Variants in SLC14A2 observed in about 807,000 individuals in gnomAD.
SLC14A2 encodes solute carrier family 14 member 2.
Under a neutral mutation model 104.6 loss-of-function variants are expected in SLC14A2, and 91 were observed. The ratio of observed to expected loss-of-function variants is 0.87; its 90% CI spans 0.73 to 1.04. The LOEUF is 1.04. Ranked by LOEUF, SLC14A2 falls within the 50% of genes least tolerant of loss-of-function variation. The probability of loss-of-function intolerance (pLI) is 0.00; values close to 1 mark genes in which losing one functional copy is unlikely to be tolerated. For synonymous variants in SLC14A2, 476 were observed against 466.4 expected (o/e 1.02, Z -0.27); for missense variants, 1,189 against 1,156.0 (o/e 1.03, Z -0.41).
At chr18:45,193,113 AT>A in the SLC14A2 span, among the ~76,000 whole-genome samples, 2 of 152,204 alleles carry the variant, frequency 1.3e-5, no homozygotes, top group East Asian at 3.9e-4. Flanking sequence ...TGTTTTGAGA[AT>A]TCTTTATATA....
chr18:45,532,903 A>C (rs2043719262), intron 2 of SLC14A2, among the ~76,000 whole-genome samples: 1 of 152,264 alleles, frequency 6.6e-6, no homozygotes, highest in South Asian at 2.1e-4. Context: ...AGTTTTTAGC[A>C]TGAAGGGTTG....
intron 1 of SLC14A2, among the ~76,000 whole-genome samples, chr18:45,267,864 A>G (rs1318180080): frequency 6.6e-6 from 1 of 152,168 alleles, no homozygotes; most frequent in African/African-American, 2.4e-5. Context: ...ACTAGACTAA[A>G]CAGAATTATA....
intron 1 of SLC14A2, among the ~76,000 whole-genome samples, chr18:45,236,458 T>C (rs535285386): frequency 4.7e-5 from 3 of 63,504 alleles, no homozygotes; most frequent in African/African-American, 8.6e-5. Context: ...TGTGTGTATA[T>C]ATGTGTATAT....
chr18:45,401,708 G>A (rs956121288), intron 1 of SLC14A2, among the ~76,000 whole-genome samples: 3 of 152,194 alleles, frequency 2.0e-5, no homozygotes, highest in African/African-American at 4.8e-5. Flanking sequence ...AAATTTAGTA[G>A]GGATACTTAT....
intron 2 of SLC14A2, among the ~76,000 whole-genome samples, chr18:45,508,158 C>T (rs539011866): frequency 2.0e-5 from 3 of 151,796 alleles, no homozygotes; most frequent in African/African-American, 7.3e-5. Flanking sequence ...TGGGGCTGAC[C>T]TCCTGAGTCT....
At chr18:45,285,378 G>T (rs370580032) in intron 1 of SLC14A2, among the ~76,000 whole-genome samples, 1 of 152,060 alleles carries the variant, frequency 6.6e-6, no homozygotes, top group Non-Finnish European at 1.5e-5. Context: ...CAGTTTGCAC[G>T]CCAGGGATTG....
intron 2 of SLC14A2, among the ~76,000 whole-genome samples, chr18:45,595,075 C>G (rs1053491511): frequency 3.3e-5 from 5 of 152,232 alleles, no homozygotes; most frequent in African/African-American, 1.2e-4. Context: ...ACCCGGAAAT[C>G]CAACCATCTC....
chr18:45,285,575 A>G (rs756192658), intron 1 of SLC14A2, among the ~76,000 whole-genome samples: 191 of 150,800 alleles, frequency 1.3e-3, no homozygotes, highest in Non-Finnish European at 2.4e-3. Context: ...GCGTCACCAC[A>G]CTCAGCTTAT....
chr18:45,229,143 A>C (rs2084149455), intron 1 of SLC14A2, among the ~76,000 whole-genome samples: 1 of 152,176 alleles, frequency 6.6e-6, no homozygotes, highest in Non-Finnish European at 1.5e-5. Context: ...CATCCTCAAT[A>C]AAATACGTTC....
intron 1 of SLC14A2, among the ~76,000 whole-genome samples, chr18:45,450,508 T>C (rs2086840732): frequency 6.6e-6 from 1 of 152,186 alleles, no homozygotes; most frequent in South Asian, 2.1e-4. Flanking sequence ...TCTCCACTGC[T>C]TACCAGAGTC....
chr18:45,413,419 G>T (rs1409425921), intron 1 of SLC14A2, among the ~76,000 whole-genome samples: 1 of 152,166 alleles, frequency 6.6e-6, no homozygotes, highest in Admixed American at 6.6e-5. Context: ...AATGAAGGTG[G>T]TTCCATCAAA....
chr18:45,314,349 A>G (rs1361452690), intron 1 of SLC14A2, among the ~76,000 whole-genome samples: 3 of 152,230 alleles, frequency 2.0e-5, no homozygotes, highest in Non-Finnish European at 4.4e-5. Flanking sequence ...TAAAATACAA[A>G]ATACTGAAGA....
Position 45,305,488 on chromosome 18 carries a change from A to T in SLC14A2, c.-125+92297A>T, listed in dbSNP as rs548540114. 2.6e-5 allele frequency among the ~76,000 whole-genome samples: 4 copies of T among 152,216 alleles called. No individual in the cohort carries two copies. In the South Asian group the frequency reaches 6.2e-4, roughly 24 times the overall value. Reference sequence around the variant, plus strand: ...TTGCTCCTTTTGGATGGGTTTTATTATTAATATTAGGCTTTTCTCCCTCTG... The same window carrying T: ...TTGCTCCTTTTGGATGGGTTTTATTTTTAATATTAGGCTTTTCTCCCTCTG... On this transcript the variant is annotated intron_variant, in intron 1 of 20. Coordinates refer to the SLC14A2 transcript ENST00000586448.
intron 1 of SLC14A2, among the ~76,000 whole-genome samples, chr18:45,348,373 C>A (rs1201657710): frequency 6.6e-6 from 1 of 152,166 alleles, no homozygotes; most frequent in East Asian, 1.9e-4. Context: ...GACCAGGTGA[C>A]AAGGGGTCCA....
intron 1 of SLC14A2, among the ~76,000 whole-genome samples, chr18:45,445,252 C>T (rs571075627): frequency 1.3e-5 from 2 of 152,064 alleles, no homozygotes; most frequent in African/African-American, 4.8e-5. Flanking sequence ...GCTGGGACTA[C>T]AGGCATGCAC....
chr18:45,285,307 G>A (rs556739388), intron 1 of SLC14A2, among the ~76,000 whole-genome samples: 27 of 152,260 alleles, frequency 1.8e-4, no homozygotes, highest in East Asian at 5.8e-4. Context: ...AAGAAGCTAC[G>A]TGACTTTTAT....
chr18:45,579,566 C>A (rs1037924391), intron 2 of SLC14A2, among the ~76,000 whole-genome samples: 2 of 152,188 alleles, frequency 1.3e-5, no homozygotes, highest in Non-Finnish European at 2.9e-5. Context: ...ATGGTTCAAA[C>A]CTCTGTCTTT....
chr18:45,666,183 TC>T lies in SLC14A2; in HGVS notation c.1524del (p.Tyr509IlefsTer22). The T allele has an allele frequency of 6.2e-7, 1 of 1,613,844 alleles. No homozygotes were observed. The highest frequency in any genetic ancestry group is 1.3e-5 in the African/African-American group (1 of 74,990). On this transcript the variant is annotated frameshift_variant, in exon 12 of 20. Coordinates refer to ENST00000255226, the MANE Select transcript of SLC14A2 (RefSeq NM_007163.4). LOFTEE classifies it high-confidence loss of function. ...HQERQNKDPF[P>X]YRYRKPTVEL... ...AGGAAAGACAAAACAAAGACCCATTTCCCTATCGATACCGGAAGCCCACAGT... is the reference window on the plus strand; with the variant it reads ...AGGAAAGACAAAACAAAGACCCATTTCCTATCGATACCGGAAGCCCACAGT...
intron 1 of SLC14A2, among the ~76,000 whole-genome samples, chr18:45,419,764 A>T (rs1258156064): frequency 1.1e-5 from 1 of 93,806 alleles, no homozygotes; most frequent in South Asian, 4.9e-4. Context: ...ACAGAGGAAG[A>T]CTCCAACTCA....
Sources: allele counts gnomAD v4.1 joint callset (sites outside exome capture counted in the v4.1 genomes callset), GRCh38; gene constraint gnomAD v4.1.1; transcripts MANE v1.5; gene names NCBI Gene and HGNC (gene_info 2026-07-23, HGNC 2026-07-21).